ASB18: variants seen among roughly 807,000 people sequenced by gnomAD.
The protein encoded by ASB18 is ankyrin repeat and SOCS box containing 18.
A neutral mutation model predicts 33.4 loss-of-function variants in ASB18; 33 were observed. That is an observed-to-expected ratio of 0.99 (90% confidence interval 0.75 to 1.32). The LOEUF (loss-of-function observed/expected upper bound fraction) is 1.32. Ranked by LOEUF, ASB18 falls within the 40% of genes most tolerant of loss-of-function variation. The probability of loss-of-function intolerance (pLI) is 0.00; values close to 1 mark genes in which losing one functional copy is unlikely to be tolerated. For synonymous variants in ASB18, 295 were observed against 307.6 expected, an observed-to-expected ratio of 0.96 and a Z score of 0.43; for missense variants, 694 against 655.5, an observed-to-expected ratio of 1.06 and a Z score of -0.64.
intron 1 of ASB18, among the ~76,000 whole-genome samples, chr2:236,254,784 C>A (rs559634530): frequency 6.6e-6 from 1 of 152,038 alleles, no homozygotes. Context: ...AGTGGGTGAT[C>A]GGGTTTGGAT....
Position 236,194,935 on chromosome 2 carries a change from CAG to C in ASB18, c.1336_1337del (p.Leu446ValfsTer66). 1.9e-6 allele frequency: 3 copies of C among 1,613,836 alleles called. No individual in the cohort carries two copies. The highest frequency in any genetic ancestry group is 2.2e-5 in the South Asian group (2 of 91,000). Reference sequence around the variant, plus strand: ...TCTGCAGGGGCTTTGGCAAGGGTAACAGGGGGATGAGGTCAAAGCACCTTTTG... The same window carrying C: ...TCTGCAGGGGCTTTGGCAAGGGTAACGGGGATGAGGTCAAAGCACCTTTTG... The part of the protein sequence containing the change: ...FGKRCFDLIP[L>X]LPLPKPLQNY... On this transcript the variant is annotated frameshift_variant, in exon 6 of 6. Transcript: ENST00000409749. LOFTEE classifies it high-confidence loss of function. The surrounding 1 kb of genome is among the most constrained non-coding windows in gnomAD (Gnocchi z 4.5).
rs2106267656 is a variant in ASB18, at chr2:236,211,749, C to G, written c.1101+2613G>C. ...GGAAGAGGCTGCCTCTAGCTTTCCA[C>G]AGAGTTTTGCTTCGGTTGTGGGGAC... is the stretch of plus-strand genomic sequence containing the variant. On this transcript the variant is annotated intron_variant, in intron 4 of 5. Coordinates refer to ENST00000409749, the MANE Select transcript of ASB18 (RefSeq NM_212556.4). The surrounding 1 kb of genome is among the most constrained non-coding windows in gnomAD (Gnocchi z 5.0). 6.6e-6 allele frequency among the ~76,000 whole-genome samples: 1 copy of G among 152,312 alleles called. No individual in the cohort carries two copies. The highest frequency in any genetic ancestry group is 2.4e-5 in the African/African-American group (1 of 41,566).
chr2:236,224,708 A>G (rs115343161), intron 3 of ASB18, among the ~76,000 whole-genome samples: 1,595 of 152,308 alleles, frequency 0.01, 24 homozygotes, highest in African/African-American at 0.037. Context: ...TAATCTGTGT[A>G]CCATGCCTTG....
rs926490515 is a variant in ASB18, at chr2:236,235,248, T to C, written c.596+2441A>G. ...ATAAGATTATACTGTACGTTTTCTATGTTTAGATACACAAATACTTCCCAT... is the reference window on the plus strand; with the variant it reads ...ATAAGATTATACTGTACGTTTTCTACGTTTAGATACACAAATACTTCCCAT... On this transcript the variant is annotated intron_variant, in intron 3 of 5. Transcript: ENST00000409749. This position sits in a 1 kb window ranked among gnomAD's most constrained non-coding sequence, Gnocchi z 6.2. Among the ~76,000 whole-genome samples, 6 of 152,250 alleles carry C rather than the reference T, an allele frequency of 3.9e-5. No individual in the cohort carries two copies. The highest frequency in any genetic ancestry group is 7.3e-5 in the Non-Finnish European group (5 of 68,044).
rs2060476099 is a variant in ASB18 at position 236,214,542 on chromosome 2, G to C, written c.921C>G (p.Ser307Arg). ...CGTGCCGCAGTAGGAGGCGCGCCAGGCTGTGGCTCGCGTGGCCGCAGGCTT... is the reference window on the plus strand; with the variant it reads ...CGTGCCGCAGTAGGAGGCGCGCCAGCCTGTGGCTCGCGTGGCCGCAGGCTT... ...LHKACGHASH[S>R]LARLLLRHGA... Residue 307 changes from serine to arginine, a missense_variant, in exon 4 of 6, where the codon AGC becomes AGG. By Grantham distance (110) the Ser-to-Arg change is moderately radical. Coordinates refer to ENST00000409749, the MANE Select transcript of ASB18 (RefSeq NM_212556.4). The surrounding 1 kb of genome is among the most constrained non-coding windows in gnomAD (Gnocchi z 6.5). The C allele has an allele frequency of 7.1e-7, 1 of 1,408,680 alleles. No individual in the cohort carries two copies. The highest frequency in any genetic ancestry group is 9.1e-7 in the Non-Finnish European group (1 of 1,094,790). 87.3% of individuals were successfully genotyped at this position (1,408,680 alleles called of 1,614,324 possible). A position where few individuals can be genotyped will look rare whatever the true frequency, so the allele number is the denominator to read the frequency against.
rs1338074431 is a variant in ASB18 at position 236,220,993 on chromosome 2, G to A, written c.597-6127C>T. On this transcript the variant is annotated intron_variant, in intron 3 of 5. Coordinates refer to ENST00000409749, the MANE Select transcript of ASB18 (RefSeq NM_212556.4). The surrounding 1 kb of genome is among the most constrained non-coding windows in gnomAD (Gnocchi z 5.1). ...CATTCTACGGGGTGGCACAGTAACC[G>A]GTTCTCACCCAGTCCTCCTAGCTAC... Among the ~76,000 whole-genome samples the A allele has an allele frequency of 1.3e-5, 2 of 152,116 alleles. No individual in the cohort carries two copies. Among genetic ancestry groups the A allele is most frequent in the Non-Finnish European group, 2.9e-5 (2 of 68,036 alleles).
In ASB18 at chr2:236,244,221, C is replaced by T. The variant is rs149513061; in HGVS notation, c.206-2819G>A. Among the ~76,000 whole-genome samples the T allele has an allele frequency of 6.6e-5, 10 of 152,304 alleles. No homozygotes were observed. In the East Asian group the frequency reaches 1.9e-3, roughly 29 times the overall value. On this transcript the variant is annotated intron_variant, in intron 1 of 5. Transcript: ENST00000409749. This position sits in a 1 kb window ranked among gnomAD's most constrained non-coding sequence, Gnocchi z 6.1. Reference sequence around the variant, plus strand: ...GAGCTACAGAATTCTTTGGCCTGTGCACATGAGTTACGATACAAACTATAT... The same window carrying T: ...GAGCTACAGAATTCTTTGGCCTGTGTACATGAGTTACGATACAAACTATAT...
At position 236,215,408 on chromosome 2, in the gene ASB18, C is replaced by G. The variant is rs758496178; in HGVS notation, c.597-542G>C. On this transcript the variant is annotated intron_variant, in intron 3 of 5. Coordinates refer to ENST00000409749, the MANE Select transcript of ASB18 (RefSeq NM_212556.4). The surrounding 1 kb of genome is among the most constrained non-coding windows in gnomAD (Gnocchi z 7.2). ...ACTCAGGCTGGCACCACCCTGTCCT[C>G]TGACAGTCCGGGGAGCATTAGGTGG... Among the ~76,000 whole-genome samples, 1 of 152,148 alleles carries G rather than the reference C, an allele frequency of 6.6e-6. No individual in the cohort carries two copies. The highest frequency in any genetic ancestry group is 1.5e-5 in the Non-Finnish European group (1 of 68,018).
chr2:236,261,106 A>C (rs1037631413), intron 1 of ASB18, among the ~76,000 whole-genome samples: 1 of 152,022 alleles, frequency 6.6e-6, no homozygotes, highest in Non-Finnish European at 1.5e-5. Flanking sequence ...CATCACCACA[A>C]CCTTCCCATT....
chr2:236,212,042 G>C (rs1446929629), intron 4 of ASB18, among the ~76,000 whole-genome samples: 1 of 152,150 alleles, frequency 6.6e-6, no homozygotes, highest in Admixed American at 6.5e-5. Flanking sequence ...GGCAGCGGTG[G>C]GCAACGCTTT....
chr2:236,226,123 G>A lies in ASB18; in HGVS notation c.597-11257C>T, dbSNP rs545483826. Among the ~76,000 whole-genome samples, 13 of 152,332 alleles carry A rather than the reference G, an allele frequency of 8.5e-5. No individual in the cohort carries two copies. On this transcript the variant is annotated intron_variant, in intron 3 of 5. Transcript: ENST00000409749. This position sits in a 1 kb window ranked among gnomAD's most constrained non-coding sequence, Gnocchi z 4.8. ...TATGACTTTAGGGGGACTCTTTAGA[G>A]CTGAAAAGCCATGGTCAAAACCTCA...
chr2:236,216,263 C>T lies in ASB18; in HGVS notation c.597-1397G>A, dbSNP rs1559330474. On this transcript the variant is annotated intron_variant, in intron 3 of 5. Transcript: ENST00000409749. This position sits in a 1 kb window ranked among gnomAD's most constrained non-coding sequence, Gnocchi z 6.1. ...CATGCCTTGCTCTCCACTAACCACT[C>T]CTAATGTTGACCTTGGTCCTCAAGC... Among the ~76,000 whole-genome samples, 1 of 152,222 alleles carries T rather than the reference C, an allele frequency of 6.6e-6. No individual in the cohort carries two copies. The highest frequency in any genetic ancestry group is 1.5e-5 in the Non-Finnish European group (1 of 68,036).
Position 236,253,060 on chromosome 2 carries a change from C to T in ASB18, c.205+11081G>A, listed in dbSNP as rs140674424. Among the ~76,000 whole-genome samples, 6 of 152,290 alleles carry T rather than the reference C, an allele frequency of 3.9e-5. No individual in the cohort carries two copies. In the East Asian group the frequency reaches 1.2e-3, roughly 29 times the overall value. On this transcript the variant is annotated intron_variant, in intron 1 of 5. Transcript: ENST00000409749. The surrounding 1 kb of genome is among the most constrained non-coding windows in gnomAD (Gnocchi z 5.4). ...CATGGTTAGGTGGCGTCAAGGATCC[C>T]CACCGTCCTCGCCAGCCTGGCTTTC...
At chr2:236,261,832 G>T (rs1369680733) in intron 1 of ASB18, among the ~76,000 whole-genome samples, 2 of 152,294 alleles carry the variant, frequency 1.3e-5, no homozygotes, top group Non-Finnish European at 1.5e-5. Context: ...TTTACATGGT[G>T]GCAGGCAAGA....
chr2:236,264,391 A>C lies in ASB18; in HGVS notation c.-46T>G. 7.2e-6 allele frequency: 11 copies of C among 1,529,586 alleles called. No homozygotes were observed. Among genetic ancestry groups the C allele is most frequent in the African/African-American group, 1.4e-5 (1 of 73,300 alleles). The allele number at this position is 1,529,586 out of a possible 1,614,324, so 94.8% of individuals were successfully genotyped here. A position where few individuals can be genotyped will look rare whatever the true frequency, so the allele number is the denominator to read the frequency against. Reference sequence around the variant, plus strand: ...GACCAGCCCTTCTTTTCTTCCTCTAAAGCGACTCCAAAGTCAGCAGCTGTC... The same window carrying C: ...GACCAGCCCTTCTTTTCTTCCTCTACAGCGACTCCAAAGTCAGCAGCTGTC... On this transcript the variant is annotated 5_prime_UTR_variant, in exon 1 of 6. Coordinates refer to ENST00000409749, the MANE Select transcript of ASB18 (RefSeq NM_212556.4). The surrounding 1 kb of genome is among the most constrained non-coding windows in gnomAD (Gnocchi z 5.1).
chr2:236,224,692 G>A (rs189467705), intron 3 of ASB18, among the ~76,000 whole-genome samples: 1 of 152,330 alleles, frequency 6.6e-6, no homozygotes, highest in East Asian at 1.9e-4. Context: ...CTGAGCCTTG[G>A]TTTTCTAATC....
In ASB18 at chr2:236,193,826, C is replaced by T. The variant is rs1404232824; in HGVS notation, c.*1046G>A. Among the ~76,000 whole-genome samples, 1 of 152,160 alleles carries T rather than the reference C, an allele frequency of 6.6e-6. No homozygotes were observed. The highest frequency in any genetic ancestry group is 1.5e-5 in the Non-Finnish European group (1 of 68,040). ...CAAGACTGATTCCTGGGCAAGGCCA[C>T]TGTCTGTATGGGTTTTCTCTGGGTG... On this transcript the variant is annotated 3_prime_UTR_variant, in exon 6 of 6. Transcript: ENST00000409749. This position sits in a 1 kb window ranked among gnomAD's most constrained non-coding sequence, Gnocchi z 5.0.
intron 1 of ASB18, among the ~76,000 whole-genome samples, chr2:236,261,667 A>C (rs1416831002): frequency 6.6e-6 from 1 of 152,212 alleles, no homozygotes; most frequent in Non-Finnish European, 1.5e-5. Context: ...GAAATAGTAC[A>C]TGTGTATGTG....
At chr2:236,197,345 T>C (rs1439360202) in intron 4 of ASB18, among the ~76,000 whole-genome samples, 13 of 152,232 alleles carry the variant, frequency 8.5e-5, no homozygotes, top group Non-Finnish European at 4.4e-5. Flanking sequence ...TTAGGGCCGA[T>C]ATAATGAGAC....
Sources: gnomAD v4.1 joint callset for allele counts (sites outside exome capture counted in the v4.1 genomes callset) on GRCh38, gnomAD v4.1.1 for gene constraint, Gnocchi (gnomAD v3.1) non-coding constraint, MANE v1.5 for transcripts, NCBI Gene and HGNC (gene_info 2026-07-23, HGNC 2026-07-21) for gene names.